The following HAUS7 variants were observed in gnomAD, a reference collection of about 807,000 sequenced individuals.
The protein encoded by HAUS7 is HAUS augmin like complex subunit 7.
Under a neutral mutation model 28.4 loss-of-function variants are expected in HAUS7, and 3 were observed. The ratio of observed to expected loss-of-function variants is 0.11; its 90% CI spans 0.05 to 0.27. The LOEUF (loss-of-function observed/expected upper bound fraction) is 0.27, where lower values mean the gene tolerates loss of function less well. HAUS7 is among the 10% of genes least tolerant of loss of function. The probability of loss-of-function intolerance (pLI) is 1.00; values close to 1 mark genes in which losing one functional copy is unlikely to be tolerated. For synonymous variants in HAUS7, 165 were observed against 132.1 expected (o/e 1.25, Z -1.71); for missense variants, 284 against 297.3 (o/e 0.96, Z 0.33).
At chrX:153,489,313 C>T (rs1415105630) in intron 1 of HAUS7, among the ~76,000 whole-genome samples, 1 of 112,289 alleles carries the variant, frequency 8.9e-6, no homozygotes, top group Non-Finnish European at 1.9e-5. Flanking sequence ...CCAGCCGTGG[C>T]CCTGCACCTG....
At chrX:153,448,872 T>TGCCCCCCAA (rs2089202445) in intron 9 of HAUS7, among the ~76,000 whole-genome samples, 1 of 106,052 alleles carries the variant, frequency 9.4e-6, no homozygotes, top group African/African-American at 3.3e-5. Flanking sequence ...ACCTGCCCCC[T>TGCCCCCCAA]GCCCCCCAAG....
chrX:153,467,667 T>C (rs2089470021), intron 2 of HAUS7, among the ~76,000 whole-genome samples: 1 of 112,484 alleles, frequency 8.9e-6, no homozygotes, highest in African/African-American at 3.2e-5. Context: ...ACCCACTAAA[T>C]ACCCAGCTCC....
At chrX:153,478,058 G>A (rs2089573506) in intron 1 of HAUS7, among the ~76,000 whole-genome samples, 1 of 112,363 alleles carries the variant, frequency 8.9e-6, no homozygotes, top group African/African-American at 3.2e-5. Context: ...CTCCACCCAA[G>A]CCTTGCCCAC....
chrX:153,494,021 C>T (rs1307011371), intron 1 of HAUS7, among the ~76,000 whole-genome samples: 1 of 112,411 alleles, frequency 8.9e-6, no homozygotes, highest in Non-Finnish European at 1.9e-5. Flanking sequence ...TCCATCTAAA[C>T]TCTTACCCCT....
At chrX:153,477,387 C>T (rs1281353871) in intron 1 of HAUS7, among the ~76,000 whole-genome samples, 2 of 113,449 alleles carry the variant, frequency 1.8e-5, no homozygotes, top group Non-Finnish European at 3.7e-5. Context: ...TCCAGTCTCC[C>T]GACCCCAGGT....
intron 1 of HAUS7, among the ~76,000 whole-genome samples, chrX:153,490,839 T>C (rs2124196065): frequency 8.9e-6 from 1 of 112,549 alleles, no homozygotes; most frequent in South Asian, 3.7e-4. Context: ...AAGCTCTCCC[T>C]GCCCCCCAGT....
At position 153,456,335 on chromosome X, in the gene HAUS7, T is replaced by A. The variant is rs1556982170; in HGVS notation, c.635A>T (p.Glu212Val). The change falls in exon 7 of 10, where the codon GAG (glutamate) becomes GTG (valine). Residue 212 changes from glutamate to valine, a missense_variant. Physicochemically the swap from Glu to Val is moderately radical, Grantham distance 121. Transcript: ENST00000370211. ...CCTGGCAAGCTCCGCCAGCTTCTCC[T>A]CCTCCTCGGACTTGGCAGAGGCACT... Reference protein sequence around the residue: ...WASASAKSEEEEKLAELARQL... With the variant: ...WASASAKSEEVEKLAELARQL... The A allele has an allele frequency of 8.3e-7, 1 of 1,210,849 alleles. No individual in the cohort carries two copies. The highest frequency in any genetic ancestry group is 1.1e-6 in the Non-Finnish European group (1 of 894,776).
At chrX:153,449,433 T>C (rs1331967915) in intron 9 of HAUS7, among the ~76,000 whole-genome samples, 1 of 112,428 alleles carries the variant, frequency 8.9e-6, no homozygotes, top group Non-Finnish European at 1.9e-5. Context: ...CCTGCCGCAA[T>C]GCGCACTGCT....
At chrX:153,449,035 C>A (rs1054689507) in intron 9 of HAUS7, among the ~76,000 whole-genome samples, 2 of 111,946 alleles carry the variant, frequency 1.8e-5, no homozygotes, top group Non-Finnish European at 3.8e-5. Context: ...CCAGTGGCGA[C>A]CGTGGTGGCT....
intron 4 of HAUS7, 125 bp downstream of exon 4, chrX:153,462,485 G>C (rs2089404687): frequency 5.1e-6 from 3 of 590,626 alleles, no homozygotes; most frequent in Non-Finnish European, 8.4e-6. Context: ...GCCGGCCCCA[G>C]GGCCTGAGGA....
At chrX:153,481,243 C>A in intron 1 of HAUS7, 1 of 568,698 alleles carries the variant, frequency 1.8e-6, no homozygotes, top group Non-Finnish European at 2.1e-6. Context: ...AGTAACCTGT[C>A]GCTCCAACCC....
intron 4 of HAUS7, among the ~76,000 whole-genome samples, chrX:153,459,194 C>T (rs2089355047): frequency 8.9e-6 from 1 of 112,056 alleles, no homozygotes; most frequent in South Asian, 3.7e-4. Flanking sequence ...TCATCTTCTT[C>T]GGAGAAACGT....
At chrX:153,457,831 TTCC>T (rs782519560) in intron 4 of HAUS7, among the ~76,000 whole-genome samples, 1 of 113,189 alleles carries the variant, frequency 8.8e-6, no homozygotes, top group African/African-American at 3.2e-5. Context: ...GCACAGCTCT[TTCC>T]TCCTTCCAGA....
chrX:153,464,879 T>A (rs1314009708), intron 3 of HAUS7, 109 bp downstream of exon 3: 8 of 563,849 alleles, frequency 1.4e-5, no homozygotes, highest in Non-Finnish European at 2.5e-5. Context: ...TCTAGCAACA[T>A]CCACACAACA....
rs1204626134 is a variant in HAUS7, at chrX:153,456,744, CG to C, written c.447-94del. ...CACAGGGAAGGCCCCAGAAGCACAT[CG>C]GGGCCAGGCACAGAGGCCAGGACAA... On this transcript the variant is annotated intron_variant, in intron 5 of 9. Coordinates refer to ENST00000370211, the MANE Select transcript of HAUS7 (RefSeq NM_001385482.1). 221 of 690,774 alleles carry C rather than the reference CG, an allele frequency of 3.2e-4. No individual in the cohort carries two copies. The African/African-American group carries it at 4.4e-3, about 14-fold the overall frequency. The allele number at this position is 690,774 out of a possible 1,213,427, so 56.9% of individuals were successfully genotyped here. A position where few individuals can be genotyped will look rare whatever the true frequency, so the allele number is the denominator to read the frequency against.
chrX:153,493,845 A>G (rs1299304437), intron 1 of HAUS7, among the ~76,000 whole-genome samples: 1 of 111,730 alleles, frequency 9.0e-6, no homozygotes, highest in Non-Finnish European at 1.9e-5. Context: ...CCAGGGGTTG[A>G]AGACCCTCAG....
chrX:153,471,507 C>T (rs1433194217), upstream of HAUS7, among the ~76,000 whole-genome samples: 1 of 112,708 alleles, frequency 8.9e-6, no homozygotes, highest in Non-Finnish European at 1.9e-5. Flanking sequence ...CGCTCCTCCC[C>T]CAGACCTGCA....
At chrX:153,482,021 G>A in intron 1 of HAUS7, 1 of 412,023 alleles carries the variant, frequency 2.4e-6, no homozygotes, top group Non-Finnish European at 3.1e-6. Flanking sequence ...ACTGCAGGGT[G>A]GAGCTGCTTA....
Position 153,481,608 on chromosome X carries a change from T to C in HAUS7, c.-588-10463A>G, listed in dbSNP as rs782590717. The C allele has an allele frequency of 2.3e-5, 17 of 754,525 alleles. No homozygotes were observed. In the South Asian group the frequency reaches 9.5e-4, roughly 42 times the overall value. 62.2% of individuals were successfully genotyped at this position (754,525 alleles called of 1,213,427 possible). ...GCAATGTCAAGATGAAGCATGTCCC[T>C]GCCCTGACCCACCCTGGTCTGACCA... On this transcript the variant is annotated intron_variant, in intron 1 of 5. Coordinates refer to the HAUS7 transcript ENST00000370210.
Sources: allele counts gnomAD v4.1 joint callset (sites outside exome capture counted in the v4.1 genomes callset), GRCh38; gene constraint gnomAD v4.1.1; transcripts MANE v1.5; gene names NCBI Gene and HGNC (gene_info 2026-07-23, HGNC 2026-07-21).